Variants in PIEZO2 observed in about 807,000 individuals in gnomAD.
PIEZO2 encodes piezo-type mechanosensitive ion channel component 2.
A neutral mutation model predicts 337.3 loss-of-function variants in PIEZO2; 172 were observed. The observed-to-expected ratio is 0.51, with a 90% CI of 0.45 to 0.58. PIEZO2 has a LOEUF of 0.58. PIEZO2 is among the 20% of genes least tolerant of loss of function. The pLI is 0.00. For missense variants in PIEZO2, 3,028 were observed against 3,391.3 expected, an observed-to-expected ratio of 0.89 and a Z score of 2.66; for synonymous variants, 1,251 against 1,228.5, an observed-to-expected ratio of 1.02 and a Z score of -0.38.
At chr18:11,029,108 G>A (rs2036639712) in intron 2 of PIEZO2, among the ~76,000 whole-genome samples, 1 of 152,158 alleles carries the variant, frequency 6.6e-6, no homozygotes, top group Non-Finnish European at 1.5e-5. Context: ...TTAAAATTTA[G>A]TGTAGGCCTT....
intron 43 of PIEZO2, among the ~76,000 whole-genome samples, chr18:10,701,561 G>T (rs1291598991): frequency 2.0e-5 from 3 of 152,224 alleles, no homozygotes; most frequent in Admixed American, 6.5e-5. Context: ...GGAGGCAGAA[G>T]CTGGGATGGA....
At chr18:11,045,556 C>T (rs755935904) in intron 2 of PIEZO2, among the ~76,000 whole-genome samples, 2 of 152,170 alleles carry the variant, frequency 1.3e-5, no homozygotes, top group East Asian at 3.9e-4. Flanking sequence ...AATAGATGAA[C>T]GGACACTTGT....
At chr18:10,811,259 A>G (rs191315117) in intron 7 of PIEZO2, among the ~76,000 whole-genome samples, 1 of 152,274 alleles carries the variant, frequency 6.6e-6, no homozygotes, top group South Asian at 2.1e-4. Context: ...AGTTTTCCCT[A>G]TGCCTCCACA....
Position 11,116,926 on chromosome 18 carries a change from T to A in PIEZO2, c.64+31599A>T, listed in dbSNP as rs981648635. Among the ~76,000 whole-genome samples the A allele has an allele frequency of 6.6e-6, 1 of 151,912 alleles. No homozygotes were observed. The highest frequency in any genetic ancestry group is 2.4e-5 in the African/African-American group (1 of 41,338). ...GGGTTCAAAACCAGCCTGACCAACA[T>A]GATGAAACCCTGTCTCTACTAAAAA... On this transcript the variant is annotated intron_variant, in intron 1 of 55. Coordinates refer to ENST00000674853, the MANE Select transcript of PIEZO2 (RefSeq NM_001378183.1). The surrounding 1 kb of genome is among the most constrained non-coding windows in gnomAD (Gnocchi z 5.0).
At chr18:10,865,047 TG>T (rs1413376616) in intron 5 of PIEZO2, among the ~76,000 whole-genome samples, 1 of 152,008 alleles carries the variant, frequency 6.6e-6, no homozygotes, top group African/African-American at 2.4e-5. Flanking sequence ...GACATCTACA[TG>T]AGATTGAACA....
chr18:10,932,347 G>A (rs1228442038), intron 3 of PIEZO2, among the ~76,000 whole-genome samples: 1 of 152,110 alleles, frequency 6.6e-6, no homozygotes, highest in Non-Finnish European at 1.5e-5. Context: ...AGTGAGCCAT[G>A]ACTGCACCAC....
rs1316710132 is a variant in PIEZO2 at position 11,031,802 on chromosome 18, T to G, written c.160+34325A>C. ...AACTGGGACATTAAGGTATGGGGCA[T>G]GAGGTGTTGGCAAGCTCAGGGCAAT... On this transcript the variant is annotated intron_variant, in intron 2 of 55. Coordinates refer to ENST00000674853, the MANE Select transcript of PIEZO2 (RefSeq NM_001378183.1). The surrounding 1 kb of genome is among the most constrained non-coding windows in gnomAD (Gnocchi z 4.7). 6.6e-6 allele frequency among the ~76,000 whole-genome samples: 1 copy of G among 152,166 alleles called. No homozygotes were observed. The highest frequency in any genetic ancestry group is 1.5e-5 in the Non-Finnish European group (1 of 68,018).
intron 2 of PIEZO2, among the ~76,000 whole-genome samples, chr18:11,044,658 T>G (rs2037238411): frequency 6.6e-6 from 1 of 152,234 alleles, no homozygotes; most frequent in South Asian, 2.1e-4. Context: ...AACCCTCACA[T>G]TCTACTGTGA....
chr18:11,116,582 G>T lies in PIEZO2; in HGVS notation c.64+31943C>A, dbSNP rs2039894202. ...ATTAAAAAATTAGCCGGGCGTGGTG[G>T]CGGGGGGCCTGTAGTCCCAGCTACT... On this transcript the variant is annotated intron_variant, in intron 1 of 55. Coordinates refer to ENST00000674853, the MANE Select transcript of PIEZO2 (RefSeq NM_001378183.1). This position sits in a 1 kb window ranked among gnomAD's most constrained non-coding sequence, Gnocchi z 5.0. Among the ~76,000 whole-genome samples, 1 of 152,014 alleles carries T rather than the reference G, an allele frequency of 6.6e-6. No individual in the cohort carries two copies. Among genetic ancestry groups the T allele is most frequent in the Non-Finnish European group, 1.5e-5 (1 of 68,014 alleles).
chr18:10,982,790 G>T lies in PIEZO2; in HGVS notation c.161-3130C>A, dbSNP rs113932287. ...GGCTGGAGTGAAGTGGCATGATGTC[G>T]GCTTACTGCAACTTCCACCTCCCAG... On this transcript the variant is annotated intron_variant, in intron 2 of 55. Transcript: ENST00000674853. This position sits in a 1 kb window ranked among gnomAD's most constrained non-coding sequence, Gnocchi z 4.1. Among the ~76,000 whole-genome samples, 1 of 151,932 alleles carries T rather than the reference G, an allele frequency of 6.6e-6. No individual in the cohort carries two copies. The highest frequency in any genetic ancestry group is 3.4e-3 in the Middle Eastern group (1 of 294).
At position 10,954,181 on chromosome 18, in the gene PIEZO2, T is replaced by C. The variant is rs1313803043; in HGVS notation, c.286+25354A>G. The stretch of plus-strand genomic sequence containing the variant: ...GCTATTGTAGTTTTTTTTCCATATA[T>C]ATTTTAGAGTCAGCTTGTTGATTTC... On this transcript the variant is annotated intron_variant, in intron 3 of 55. Transcript: ENST00000674853. The surrounding 1 kb of genome is among the most constrained non-coding windows in gnomAD (Gnocchi z 4.2). Among the ~76,000 whole-genome samples, 1 of 152,240 alleles carries C rather than the reference T, an allele frequency of 6.6e-6. No homozygotes were observed. The highest frequency in any genetic ancestry group is 1.5e-5 in the Non-Finnish European group (1 of 68,042).
intron 43 of PIEZO2, among the ~76,000 whole-genome samples, chr18:10,701,694 G>A (rs2035338427): frequency 6.6e-6 from 1 of 152,098 alleles, no homozygotes; most frequent in Admixed American, 6.5e-5. Flanking sequence ...CCACAAAAGT[G>A]GATTCACGAT....
chr18:10,777,524 A>G (rs2038832124), intron 18 of PIEZO2, among the ~76,000 whole-genome samples: 1 of 152,260 alleles, frequency 6.6e-6, no homozygotes, highest in African/African-American at 2.4e-5. Context: ...CTGGAGATAC[A>G]TCCTTATTTG....
chr18:10,985,861 C>A (rs2034849444), intron 2 of PIEZO2, among the ~76,000 whole-genome samples: 1 of 151,748 alleles, frequency 6.6e-6, no homozygotes, highest in Non-Finnish European at 1.5e-5. Flanking sequence ...AACAAAATGT[C>A]AATAATAGGT....
chr18:10,831,379 G>T (rs1397599025), intron 7 of PIEZO2, among the ~76,000 whole-genome samples: 3 of 152,152 alleles, frequency 2.0e-5, no homozygotes, highest in African/African-American at 7.2e-5. Flanking sequence ...GCAGCAACAT[G>T]GATGGAACTG....
chr18:10,692,121 G>C (rs1446812384), intron 47 of PIEZO2, among the ~76,000 whole-genome samples: 1 of 151,840 alleles, frequency 6.6e-6, no homozygotes, highest in Non-Finnish European at 1.5e-5. Flanking sequence ...ATAGTGAAGA[G>C]ACATAGTATT....
In PIEZO2 at chr18:11,148,888, G is replaced by A. The variant is rs1374109105; in HGVS notation, c.-300C>T. 9 of 350,850 alleles carry A rather than the reference G, an allele frequency of 2.6e-5. No individual in the cohort carries two copies. The highest frequency in any genetic ancestry group is 4.6e-5 in the Non-Finnish European group (9 of 197,516). 21.7% of individuals were successfully genotyped at this position (350,850 alleles called of 1,614,324 possible). On this transcript the variant is annotated 5_prime_UTR_variant, in exon 1 of 56. Transcript: ENST00000674853. This position sits in a 1 kb window ranked among gnomAD's most constrained non-coding sequence, Gnocchi z 5.2. ...TGTGAATCCTGGATCCGGCAGCGGC[G>A]GCGGCTTCTTCAGGGGTAGCTGATG...
Position 10,740,612 on chromosome 18 carries a change from T to C in PIEZO2, c.4708+419A>G, listed in dbSNP as rs865962726. 9.0e-5 allele frequency: 21 copies of C among 234,432 alleles called. No individual in the cohort carries two copies. In the East Asian group the frequency reaches 2.0e-3, roughly 23 times the overall value. The allele number at this position is 234,432 out of a possible 1,614,324, so 14.5% of individuals were successfully genotyped here. On this transcript the variant is annotated intron_variant, in intron 33 of 55. Transcript: ENST00000674853. ...GAGAAAGGGTCACTGACCCTTTGAA[T>C]AGAATGATCATCCTTAAATCAGAGT...
At position 11,033,741 on chromosome 18, in the gene PIEZO2, C is replaced by T. The variant is rs542065219; in HGVS notation, c.160+32386G>A. Among the ~76,000 whole-genome samples, 1 of 152,084 alleles carries T rather than the reference C, an allele frequency of 6.6e-6. No homozygotes were observed. The highest frequency in any genetic ancestry group is 6.5e-5 in the Admixed American group (1 of 15,292). On this transcript the variant is annotated intron_variant, in intron 2 of 55. Coordinates refer to ENST00000674853, the MANE Select transcript of PIEZO2 (RefSeq NM_001378183.1). The surrounding 1 kb of genome is among the most constrained non-coding windows in gnomAD (Gnocchi z 4.2). ...GTATAAATATTGCTCTCAAAACAGT[C>T]GCTCTCGGAGGAAGTCAAAATTTGA...
Sources: gnomAD v4.1 joint callset for allele counts (sites outside exome capture counted in the v4.1 genomes callset) on GRCh38, gnomAD v4.1.1 for gene constraint, Gnocchi (gnomAD v3.1) non-coding constraint, MANE v1.5 for transcripts, NCBI Gene and HGNC (gene_info 2026-07-23, HGNC 2026-07-21) for gene names.